The following PKLR variants were observed in gnomAD, a reference collection of about 807,000 sequenced individuals.
PKLR encodes the protein pyruvate kinase L/R.
Under a neutral mutation model 53.6 loss-of-function variants are expected in PKLR, and 38 were observed. The observed-to-expected ratio is 0.71, with a 90% CI of 0.55 to 0.93. The LOEUF is 0.93. Ranked by LOEUF, PKLR falls within the 40% of genes least tolerant of loss-of-function variation. PKLR has a pLI of 0.00. For missense variants in PKLR, 702 were observed against 787.3 expected (o/e 0.89, Z 1.30); for synonymous variants, 328 against 316.2 (o/e 1.04, Z -0.39).
chr1:155,290,857 C>T (rs987270660), intron 10 of PKLR, among the ~76,000 whole-genome samples, 179 bp from the exon 11 acceptor site: 9 of 151,570 alleles, frequency 5.9e-5, no homozygotes, highest in East Asian at 5.8e-4. Context: ...GGTGTGGTGG[C>T]GCATGCCTGT....
At position 155,293,934 on chromosome 1, in the gene PKLR, A is replaced by C. The variant is rs1314839369; in HGVS notation, c.1116+301T>G. ...GATCACCTGAGGTCAGGAGTTCGAG[A>C]CCAGTCTGGCCAACATGGTGAAACC... On this transcript the variant is annotated intron_variant, in intron 7 of 10. Coordinates refer to ENST00000342741, the MANE Select transcript of PKLR (RefSeq NM_000298.6). The surrounding 1 kb of genome is among the most constrained non-coding windows in gnomAD (Gnocchi z 4.2). Among the ~76,000 whole-genome samples the C allele has an allele frequency of 6.6e-6, 1 of 152,132 alleles. No individual in the cohort carries two copies. Among genetic ancestry groups the C allele is most frequent in the Non-Finnish European group, 1.5e-5 (1 of 68,008 alleles).
intron 2 of PKLR, 134 bp downstream of exon 2, chr1:155,299,964 T>C (rs1214085951): frequency 3.3e-6 from 3 of 909,898 alleles, no homozygotes; most frequent in African/African-American, 1.6e-5. Flanking sequence ...TTGTCTACTA[T>C]ATGCTCAACA....
rs1438029448 is a variant in PKLR at position 155,295,494 on chromosome 1, G to C, written c.450C>G (p.Pro150=). The change falls in exon 4 of 11, where the codon CCC becomes CCG. Residue 150 remains proline, a synonymous_variant. Coordinates refer to ENST00000342741, the MANE Select transcript of PKLR (RefSeq NM_000298.6). This position sits in a 1 kb window ranked among gnomAD's most constrained non-coding sequence, Gnocchi z 4.3. ...CCTTGGTGTCCAGGGCGATGGCCACGGGCCGGTAGCTGAGTGGGGAACCTG... is the reference window on the plus strand; with the variant it reads ...CCTTGGTGTCCAGGGCGATGGCCACCGGCCGGTAGCTGAGTGGGGAACCTG... ...SFAGSPLSYR[P]VAIALDTKGP... The C allele has an allele frequency of 6.2e-7, 1 of 1,610,062 alleles. No homozygotes were observed. The highest frequency in any genetic ancestry group is 8.5e-7 in the Non-Finnish European group (1 of 1,178,334).
Position 155,300,269 on chromosome 1 carries a change from A to AC in PKLR, c.111dup (p.Tyr38ValfsTer42), listed in dbSNP as rs762615239. Reference sequence around the variant, plus strand: ...TGGGCCACACTGGCCCGCCGCAGATACCCCGCTGGCCCTGTGGTAGAAGGG... The same window carrying AC: ...TGGGCCACACTGGCCCGCCGCAGATACCCCCGCTGGCCCTGTGGTAGAAGGG... On this transcript the variant is annotated frameshift_variant, in exon 2 of 11. Coordinates refer to ENST00000342741, the MANE Select transcript of PKLR (RefSeq NM_000298.6). LOFTEE classifies it high-confidence loss of function. 8 of 1,592,126 alleles carry AC rather than the reference A, an allele frequency of 5.0e-6. No individual in the cohort carries two copies. Among genetic ancestry groups the AC allele is most frequent in the Non-Finnish European group, 5.1e-6 (6 of 1,169,798 alleles).
rs1015460356 is a variant in PKLR, at chr1:155,293,067, C to G, written c.1436+110G>C. On this transcript the variant is annotated intron_variant, in intron 9 of 10. Transcript: ENST00000342741. The surrounding 1 kb of genome is among the most constrained non-coding windows in gnomAD (Gnocchi z 4.2). ...GTCATTGCTGCCTCTCCTCTTGTCTCAGGTGGACACTCTTCACCCCTGGTG... is the reference window on the plus strand; with the variant it reads ...GTCATTGCTGCCTCTCCTCTTGTCTGAGGTGGACACTCTTCACCCCTGGTG... 5.4e-6 allele frequency: 6 copies of G among 1,118,610 alleles called. No individual in the cohort carries two copies. The Admixed American group carries it at 8.6e-5, about 16-fold the overall frequency. The allele number at this position is 1,118,610 out of a possible 1,614,324, so 69.3% of individuals were successfully genotyped here.
chr1:155,302,187 C>T (rs926283151), upstream of PKLR, among the ~76,000 whole-genome samples: 5 of 150,996 alleles, frequency 3.3e-5, no homozygotes, highest in South Asian at 2.1e-4. Context: ...GGATTACAGA[C>T]GTGCACCACC....
chr1:155,300,988 A>C lies in PKLR; in HGVS notation c.100+308T>G, dbSNP rs1283816901. ...CAGCTGGGCTGGGGATCAGTTCTGC[A>C]GACTGGTTAAAGTGTCACCACTGTC... On this transcript the variant is annotated intron_variant, in intron 1 of 10. Transcript: ENST00000342741. 8 of 1,557,082 alleles carry C rather than the reference A, an allele frequency of 5.1e-6. No homozygotes were observed. The East Asian group carries it at 1.7e-4, about 33-fold the overall frequency.
upstream of PKLR, among the ~76,000 whole-genome samples, chr1:155,303,397 A>G (rs74118437): frequency 0.015 from 2,221 of 152,270 alleles, 49 homozygotes; most frequent in African/African-American, 0.048. Flanking sequence ...CCACTGTCCA[A>G]TCTTTATCGA....
chr1:155,306,598 G>T, the PKLR span, among the ~76,000 whole-genome samples: 1 of 152,042 alleles, frequency 6.6e-6, no homozygotes, highest in Non-Finnish European at 1.5e-5. This position sits in a 1 kb window ranked among gnomAD's most constrained non-coding sequence, Gnocchi z 4.2. Context: ...CCCCTGGTCA[G>T]ACACATACAC....
In PKLR at chr1:155,295,980, C is replaced by T. The variant is rs2148209049; in HGVS notation, c.284-224G>A. On this transcript the variant is annotated intron_variant, in intron 2 of 10. Coordinates refer to ENST00000342741, the MANE Select transcript of PKLR (RefSeq NM_000298.6). This position sits in a 1 kb window ranked among gnomAD's most constrained non-coding sequence, Gnocchi z 4.3. Reference sequence around the variant, plus strand: ...CAGTGTGGAAATCGGAGGGGAGTGCCCTCCGCCAGGCCTGAGGTCACTGTA... The same window carrying T: ...CAGTGTGGAAATCGGAGGGGAGTGCTCTCCGCCAGGCCTGAGGTCACTGTA... Among the ~76,000 whole-genome samples the T allele has an allele frequency of 6.6e-6, 1 of 152,192 alleles. No individual in the cohort carries two copies. Among genetic ancestry groups the T allele is most frequent in the Non-Finnish European group, 1.5e-5 (1 of 67,980 alleles).
chr1:155,295,145 C>T lies in PKLR; in HGVS notation c.665G>A (p.Gly222Glu). The T allele has an allele frequency of 1.2e-6, 2 of 1,614,120 alleles. No homozygotes were observed. Among genetic ancestry groups the T allele is most frequent in the Non-Finnish European group, 1.7e-6 (2 of 1,179,990 alleles). The change falls in exon 5 of 11, where the codon GGG (glycine) becomes GAG (glutamate). Residue 222 changes from glycine (G) to glutamate (E), a missense_variant. Transcript: ENST00000342741. This position sits in a 1 kb window ranked among gnomAD's most constrained non-coding sequence, Gnocchi z 4.3. ...PVGGRIYIDD[G>E]LISLVVQKIG... ...TTTCTGGACCACTAGGGAGATGAGC[C>T]CGTCGTCAATGTAGATGCGGCCCCC...
At chr1:155,290,730 T>A in intron 10 of PKLR, 52 bp from the exon 11 acceptor site, 1 of 1,108,882 alleles carries the variant, frequency 9.0e-7, no homozygotes. Flanking sequence ...GGCTCACACC[T>A]GTAATCCCAT....
intron 1 of PKLR, among the ~76,000 whole-genome samples, chr1:155,300,655 C>T (rs1038148067): frequency 1.3e-5 from 2 of 152,070 alleles, no homozygotes; most frequent in Non-Finnish European, 2.9e-5. Flanking sequence ...CTCAACCCCA[C>T]CACCCCTTGA....
intron 2 of PKLR, among the ~76,000 whole-genome samples, chr1:155,298,373 G>C (rs1257184687): frequency 6.8e-6 from 1 of 146,492 alleles, no homozygotes; most frequent in East Asian, 2.0e-4. Context: ...TTGTTGCCCA[G>C]GCTGGGGTGC....
At chr1:155,298,384 A>G (rs1020048917) in intron 2 of PKLR, among the ~76,000 whole-genome samples, 3 of 146,804 alleles carry the variant, frequency 2.0e-5, no homozygotes, top group Admixed American at 1.4e-4. Flanking sequence ...GCTGGGGTGC[A>G]ATGGCACGAT....
At position 155,291,783 on chromosome 1, in the gene PKLR, G is replaced by A. The variant is rs1674554041; in HGVS notation, c.1591C>T (p.Arg531Cys). 2 of 1,614,106 alleles carry A rather than the reference G, an allele frequency of 1.2e-6. No individual in the cohort carries two copies. The highest frequency in any genetic ancestry group is 1.3e-5 in the African/African-American group (1 of 75,006). ...CTTTCAATGCCAAATTGCACCCGGCGATCTACATCATCTGCCCAGATGGCT... is the reference window on the plus strand; with the variant it reads ...CTTTCAATGCCAAATTGCACCCGGCAATCTACATCATCTGCCCAGATGGCT... ...PEAIWADDVD[R>C]RVQFGIESGK... The change falls in exon 10 of 11, where the codon CGC (arginine) becomes TGC (cysteine). Residue 531 changes from arginine (R) to cysteine (C), a missense_variant. By Grantham distance (180) the Arg-to-Cys change is radical. Around this residue, in one of 2 missense-constraint regions of PKLR, gnomAD observed 183 missense variants for 250.2 expected, o/e 0.73. Transcript: ENST00000342741.
chr1:155,304,547 C>T (rs556560434), upstream of PKLR, among the ~76,000 whole-genome samples: 8 of 150,550 alleles, frequency 5.3e-5, no homozygotes, highest in South Asian at 2.1e-4. Context: ...GCAGTGAAGA[C>T]GAAGAGAGGG....
At chr1:155,291,489 T>C (rs8177989) in intron 10 of PKLR, among the ~76,000 whole-genome samples, 1 of 149,748 alleles carries the variant, frequency 6.7e-6, no homozygotes, top group Admixed American at 6.6e-5. Flanking sequence ...AGCAAGACTC[T>C]CTCTCAAAAA....
In PKLR at chr1:155,289,505, A is replaced by G. The variant is rs559809916; in HGVS notation, c.*1067T>C. The G allele has an allele frequency of 1.2e-3, 179 of 152,412 alleles. No individual in the cohort carries two copies. Among genetic ancestry groups the G allele is most frequent in the Non-Finnish European group, 2.2e-3 (148 of 68,074 alleles). 9.4% of individuals were successfully genotyped at this position (152,412 alleles called of 1,614,324 possible). On this transcript the variant is annotated 3_prime_UTR_variant, in exon 11 of 11. Coordinates refer to ENST00000342741, the MANE Select transcript of PKLR (RefSeq NM_000298.6). ...CCTTCTCCCAGGTAGGGGCAGGAGGAGCCACATGAGAGAGGGAGAAGGACC... is the reference window on the plus strand; with the variant it reads ...CCTTCTCCCAGGTAGGGGCAGGAGGGGCCACATGAGAGAGGGAGAAGGACC...
Sources: gnomAD v4.1 joint callset for allele counts (sites outside exome capture counted in the v4.1 genomes callset) on GRCh38, gnomAD v4.1.1 for gene constraint, gnomAD v4.1.1 regional missense constraint, Gnocchi (gnomAD v3.1) non-coding constraint, MANE v1.5 for transcripts, NCBI Gene and HGNC (gene_info 2026-07-23, HGNC 2026-07-21) for gene names.